Variants in USP25 observed in about 807,000 individuals in gnomAD.
USP25 encodes the protein ubiquitin carboxyl-terminal hydrolase 25.
A neutral mutation model predicts 158.5 loss-of-function variants in USP25; 85 were observed. The observed-to-expected ratio is 0.54, with a 90% CI of 0.45 to 0.64. The LOEUF is 0.64. Ranked by LOEUF, USP25 falls within the 30% of genes least tolerant of loss-of-function variation. The pLI is 0.00. For missense variants in USP25, 1,242 were observed against 1,327.3 expected (o/e 0.94, Z 1.00); for synonymous variants, 464 against 460.4 (o/e 1.01, Z -0.10).
In USP25 at chr21:15,833,351, A is replaced by G. The variant is rs764025941; in HGVS notation, c.1997A>G (p.Glu666Gly). 6.2e-7 allele frequency: 1 copy of G among 1,611,088 alleles called. No individual in the cohort carries two copies. The highest frequency in any genetic ancestry group is 8.5e-7 in the Non-Finnish European group (1 of 1,178,882). The change falls in exon 17 of 26, where the codon GAG (glutamate) becomes GGG (glycine). Residue 666 changes from glutamate (E) to glycine (G), a missense_variant. By Grantham distance (98) the Glu-to-Gly change is moderately conservative. Around this residue, in one of 3 missense-constraint regions of USP25, gnomAD observed 608 missense variants for 605.2 expected, o/e 1.00. Coordinates refer to ENST00000400183, the MANE Select transcript of USP25 (RefSeq NM_001283041.3). Reference sequence around the variant, plus strand: ...GTTTTTGAAATATGATTTGCAGAGGAGTTTAATAAAGAAACTGGGCAGCCC... The same window carrying G: ...GTTTTTGAAATATGATTTGCAGAGGGGTTTAATAAAGAAACTGGGCAGCCC... ...NDKAQFLIQE[E>G]FNKETGQPLV...
rs2040191698 is a variant in USP25 at position 15,878,614 on chromosome 21, T to C, written c.*139T>C. The C allele has an allele frequency of 1.1e-6, 1 of 900,976 alleles. No homozygotes were observed. Among genetic ancestry groups the C allele is most frequent in the Non-Finnish European group, 1.6e-6 (1 of 641,080 alleles). The allele number at this position is 900,976 out of a possible 1,614,324, so 55.8% of individuals were successfully genotyped here. A position where few individuals can be genotyped will look rare whatever the true frequency, so the allele number is the denominator to read the frequency against. ...ATAACTGCAAAAGACAAAATGACTA[T>C]ACAGACTTTAGTCAGACTGCAGACA... On this transcript the variant is annotated 3_prime_UTR_variant, in exon 26 of 26. Transcript: ENST00000400183.
At chr21:15,877,144 A>G (rs947705870) in intron 24 of USP25, 1 of 152,206 alleles carries the variant, frequency 6.6e-6, no homozygotes, top group African/African-American at 2.4e-5. Flanking sequence ...AATAGTTGCA[A>G]CAGAAACTTC....
chr21:15,762,802 T>C, intron 1 of USP25, 89 bp from the exon 2 acceptor site: 1 of 1,253,966 alleles, frequency 8.0e-7, no homozygotes. Context: ...TTTTTGTTTG[T>C]TTTGGAAAAC....
chr21:15,744,490 T>G (rs2123251355), intron 1 of USP25, among the ~76,000 whole-genome samples: 1 of 152,228 alleles, frequency 6.6e-6, no homozygotes, highest in African/African-American at 2.4e-5. Context: ...CAGGCCTGGC[T>G]AATTTTTATG....
At chr21:15,764,565 A>AT (rs569868922) in intron 2 of USP25, among the ~76,000 whole-genome samples, 67 of 152,216 alleles carry the variant, frequency 4.4e-4, no homozygotes, top group South Asian at 8.3e-4. Context: ...TTGAGAACAT[A>AT]TTTTTAGCTC....
intron 6 of USP25, among the ~76,000 whole-genome samples, chr21:15,801,696 A>G (rs2036143950): frequency 1.3e-5 from 2 of 151,604 alleles, no homozygotes; most frequent in South Asian, 2.1e-4. Flanking sequence ...TGACATGTCT[A>G]CAGCTACATT....
rs549828468 is a variant in USP25, at chr21:15,809,310, G to A, written c.857+425G>A. Among the ~76,000 whole-genome samples the A allele has an allele frequency of 3.3e-5, 5 of 152,270 alleles. No homozygotes were observed. The South Asian group carries it at 1.0e-3, about 32-fold the overall frequency. ...CACCTAGGTTTCTGGGATCTTGCTG[G>A]CAGTGAAAATTATACTGTGTCTCTA... On this transcript the variant is annotated intron_variant, in intron 8 of 25. Transcript: ENST00000400183.
intron 14 of USP25, among the ~76,000 whole-genome samples, chr21:15,828,870 C>A (rs1257449773): frequency 6.6e-6 from 1 of 152,130 alleles, no homozygotes; most frequent in Non-Finnish European, 1.5e-5. Flanking sequence ...ATCTCTTGAC[C>A]TTGTTATCCG....
chr21:15,766,251 C>A lies in USP25; in HGVS notation c.268+110C>A. On this transcript the variant is annotated intron_variant, in intron 3 of 25. Transcript: ENST00000400183. This position sits in a 1 kb window ranked among gnomAD's most constrained non-coding sequence, Gnocchi z 4.0. Reference sequence around the variant, plus strand: ...AGAGGTAAAGAACCAAAAAAGAACTCTATTAACCTTGGTTCTTTTTAATGT... The same window carrying A: ...AGAGGTAAAGAACCAAAAAAGAACTATATTAACCTTGGTTCTTTTTAATGT... 1 of 974,116 alleles carries A rather than the reference C, an allele frequency of 1.0e-6. No individual in the cohort carries two copies. The allele number at this position is 974,116 out of a possible 1,614,324, so 60.3% of individuals were successfully genotyped here.
rs2040227764 is a variant in USP25 at position 15,880,000 on chromosome 21, T to G, written c.*1525T>G. 6.6e-6 allele frequency: 1 copy of G among 152,232 alleles called. No homozygotes were observed. The highest frequency in any genetic ancestry group is 6.5e-5 in the Admixed American group (1 of 15,286). 9.4% of individuals were successfully genotyped at this position (152,232 alleles called of 1,614,324 possible). A position where few individuals can be genotyped will look rare whatever the true frequency, so the allele number is the denominator to read the frequency against. ...CCAGTCCTGTTAAAAGTTTAGAAAC[T>G]TCATATGTGTCATCACAGCTTTTGT... On this transcript the variant is annotated 3_prime_UTR_variant, in exon 26 of 26. Transcript: ENST00000400183.
rs539213388 is a variant in USP25 at position 15,787,148 on chromosome 21, A to T, written c.393-4354A>T. On this transcript the variant is annotated intron_variant, in intron 4 of 25. Coordinates refer to ENST00000400183, the MANE Select transcript of USP25 (RefSeq NM_001283041.3). ...GAAGTAGATCGTATGTTCATGGATT[A>T]GAAGAATTAATGTTAAAATGGCCAT... Among the ~76,000 whole-genome samples the T allele has an allele frequency of 5.9e-5, 9 of 152,270 alleles. No individual in the cohort carries two copies. The East Asian group carries it at 1.7e-3, about 29-fold the overall frequency.
chr21:15,740,554 A>G (rs9982083), intron 1 of USP25, among the ~76,000 whole-genome samples: 33,796 of 148,794 alleles, frequency 0.23, 5,294 homozygotes, highest in African/African-American at 0.45. Context: ...TTACTCCTGG[A>G]GGCACAAATA....
intron 11 of USP25, 82 bp from the exon 12 acceptor site, chr21:15,824,884 A>T: frequency 8.9e-7 from 1 of 1,117,854 alleles, no homozygotes; most frequent in Non-Finnish European, 1.3e-6. Context: ...CCAGAGTGGT[A>T]GGCCGGGTAC....
intron 12 of USP25, among the ~76,000 whole-genome samples, chr21:15,825,515 G>C (rs570110658): frequency 2.0e-4 from 30 of 152,284 alleles, no homozygotes; most frequent in Non-Finnish European, 4.3e-4. Flanking sequence ...AGCAATCTGT[G>C]TGTACAGGGA....
chr21:15,730,516 C>G, intron 1 of USP25, 78 bp downstream of exon 1: 1 of 1,282,714 alleles, frequency 7.8e-7, no homozygotes, highest in Non-Finnish European at 9.9e-7. Context: ...CCGGGCGCCC[C>G]GGCCTCGCCG....
At chr21:15,838,009 C>T (rs1424209172) in intron 17 of USP25, among the ~76,000 whole-genome samples, 1 of 151,820 alleles carries the variant, frequency 6.6e-6, no homozygotes. Context: ...GATCTTAGCT[C>T]ACTGCCTGCC....
chr21:15,730,976 G>GTTTT (rs748732727), intron 1 of USP25, among the ~76,000 whole-genome samples: 1,492 of 53,650 alleles, frequency 0.028, 175 homozygotes, highest in Middle Eastern at 0.06. Flanking sequence ...CTTCTTTTCT[G>GTTTT]TTTTTTTTTT....
intron 1 of USP25, 88 bp downstream of exon 1, chr21:15,730,526 G>T: frequency 7.9e-7 from 1 of 1,272,194 alleles, no homozygotes; most frequent in East Asian, 3.3e-5. Context: ...CGGCCTCGCC[G>T]CCGCCGCCTT....
In USP25 at chr21:15,854,928, T is replaced by A. The variant is rs193094742; in HGVS notation, c.2547+5056T>A. 2.4e-3 allele frequency among the ~76,000 whole-genome samples: 360 copies of A among 152,244 alleles called. 5 individuals are homozygous for A. Among genetic ancestry groups the A allele is most frequent in the African/African-American group, 8.4e-3 (348 of 41,542 alleles). On this transcript the variant is annotated intron_variant, in intron 20 of 25. Transcript: ENST00000400183. ...TAAAACTAGTTTCTACTATAGAAAA[T>A]CCCCAAATAATAGTGGCTTACGGAG...
Sources: gnomAD v4.1 joint callset for allele counts (sites outside exome capture counted in the v4.1 genomes callset) on GRCh38, gnomAD v4.1.1 for gene constraint, gnomAD v4.1.1 regional missense constraint, Gnocchi (gnomAD v3.1) non-coding constraint, MANE v1.5 for transcripts, NCBI Gene and HGNC (gene_info 2026-07-23, HGNC 2026-07-21) for gene names.